Variants in KDM5B observed in about 807,000 individuals in gnomAD.
The protein encoded by KDM5B is lysine-specific demethylase 5B.
A neutral mutation model predicts 193.4 loss-of-function variants in KDM5B; 144 were observed. The ratio of observed to expected loss-of-function variants is 0.74; its 90% CI spans 0.65 to 0.86. The LOEUF (loss-of-function observed/expected upper bound fraction) is 0.86, where lower values mean the gene tolerates loss of function less well. Among genes scored for constraint, KDM5B ranks in the 40% least tolerant of loss-of-function variants. The pLI, the probability that KDM5B is intolerant of heterozygous loss-of-function variation, is 0.00. For missense variants in KDM5B, 1,833 were observed against 1,886.9 expected, an observed-to-expected ratio of 0.97 and a Z score of 0.53; for synonymous variants, 668 against 682.6, an observed-to-expected ratio of 0.98 and a Z score of 0.33.
chr1:202,780,681 T>G (rs749358621), intron 1 of KDM5B, among the ~76,000 whole-genome samples: 1 of 151,226 alleles, frequency 6.6e-6, no homozygotes, highest in Non-Finnish European at 1.5e-5. Flanking sequence ...ATAAAAAATA[T>G]CTAGATATTC....
At position 202,771,295 on chromosome 1, in the gene KDM5B, G is replaced by A. The variant is rs533452565; in HGVS notation, c.576+1823C>T. 3.1e-3 allele frequency among the ~76,000 whole-genome samples: 451 copies of A among 147,486 alleles called. 2 individuals are homozygous for A. Among genetic ancestry groups the A allele is most frequent in the African/African-American group, 0.011 (423 of 40,070 alleles). On this transcript the variant is annotated intron_variant, in intron 4 of 26. Transcript: ENST00000367265. ...CACCCAGGCTGGAGTGCAATGGCAC[G>A]ATCTCGGCTCATTGCAACCTCTGCC...
At chr1:202,748,678 G>C (rs1655663814) in intron 14 of KDM5B, among the ~76,000 whole-genome samples, 1 of 152,122 alleles carries the variant, frequency 6.6e-6, no homozygotes, top group African/African-American at 2.4e-5. Flanking sequence ...AGACCAGCCT[G>C]GGCAACATAG....
intron 1 of KDM5B, among the ~76,000 whole-genome samples, chr1:202,797,982 G>C (rs927776695): frequency 1.3e-5 from 2 of 152,204 alleles, no homozygotes; most frequent in African/African-American, 4.8e-5. Flanking sequence ...CTTGAGCTCA[G>C]GAGTTCAAGA....
In KDM5B at chr1:202,746,166, C is replaced by T. The variant is rs1572719523; in HGVS notation, c.2174G>A (p.Cys725Tyr). Residue 725 changes from cysteine (C) to tyrosine (Y), a missense_variant, in exon 15 of 27, where the codon TGT becomes TAT. Physicochemically the swap from Cys to Tyr is radical, Grantham distance 194 (BLOSUM62 -2). Transcript: ENST00000367265. ...CLHHVKELCSCPPYKYKLRYR... is the reference protein window; with the variant it reads ...CLHHVKELCSYPPYKYKLRYR... ...CCGCAATTTATATTTGTAAGGAGGA[C>T]AGGAACACAATTCTTTTACATGATG... 6.2e-7 allele frequency: 1 copy of T among 1,612,312 alleles called. No homozygotes were observed. Among genetic ancestry groups the T allele is most frequent in the Non-Finnish European group, 8.5e-7 (1 of 1,179,338 alleles).
At chr1:202,742,600 G>A (rs1655389011) in intron 17 of KDM5B, 55 bp downstream of exon 17, 2 of 1,609,036 alleles carry the variant, frequency 1.2e-6, no homozygotes, top group African/African-American at 2.7e-5. Context: ...AGTCACAACA[G>A]GTTTCCAAAC....
Position 202,736,185 on chromosome 1 carries a change from C to G in KDM5B, c.3264+28G>C, listed in dbSNP as rs757693177. ...TTTACCAAACTAGGAGATCTAAGGT[C>G]TTGCAGATGAGCTGGTTGTAAACTT... On this transcript the variant is annotated intron_variant, in intron 21 of 26. Coordinates refer to ENST00000367265, the MANE Select transcript of KDM5B (RefSeq NM_006618.5). The G allele has an allele frequency of 4.0e-6, 6 of 1,487,298 alleles. No homozygotes were observed. The Admixed American group carries it at 1.3e-4, about 33-fold the overall frequency. The allele number at this position is 1,487,298 out of a possible 1,614,324, so 92.1% of individuals were successfully genotyped here.
rs973617736 is a variant in KDM5B, at chr1:202,727,577, A to G, written c.*1459T>C. The G allele has an allele frequency of 6.5e-6, 1 of 152,674 alleles. No homozygotes were observed. Among genetic ancestry groups the G allele is most frequent in the Non-Finnish European group, 1.5e-5 (1 of 68,052 alleles). 9.5% of individuals were successfully genotyped at this position (152,674 alleles called of 1,614,324 possible). Reference sequence around the variant, plus strand: ...GGGGAAAACAAAAATTGGCAACAGAATAGGAAAAGGTAAGCAAAAGTCTGG... The same window carrying G: ...GGGGAAAACAAAAATTGGCAACAGAGTAGGAAAAGGTAAGCAAAAGTCTGG... On this transcript the variant is annotated 3_prime_UTR_variant, in exon 27 of 27. Transcript: ENST00000367265.
intron 1 of KDM5B, among the ~76,000 whole-genome samples, chr1:202,805,377 GTACTC>G (rs1658249882): frequency 6.6e-6 from 1 of 152,142 alleles, no homozygotes; most frequent in African/African-American, 2.4e-5. Flanking sequence ...AATAATGTAA[GTACTC>G]TAAGTTTTCA....
intron 4 of KDM5B, among the ~76,000 whole-genome samples, chr1:202,770,948 C>T (rs1242204125): frequency 6.6e-6 from 1 of 152,124 alleles, no homozygotes; most frequent in Non-Finnish European, 1.5e-5. Context: ...ATGCTTATTC[C>T]TTTCAGACTC....
chr1:202,729,292 G>A, intron 26 of KDM5B, 119 bp from the exon 27 acceptor site: 1 of 1,084,288 alleles, frequency 9.2e-7, no homozygotes, highest in Non-Finnish European at 1.3e-6. Context: ...CCACCACTGG[G>A]ACCTCTGGCA....
chr1:202,805,997 G>A (rs542169716), intron 1 of KDM5B, among the ~76,000 whole-genome samples: 7 of 152,298 alleles, frequency 4.6e-5, no homozygotes, highest in Admixed American at 3.9e-4. Flanking sequence ...GCTGTACTAT[G>A]TAGCACTCTC....
In KDM5B at chr1:202,762,759, A is replaced by C. The variant is rs763369591; in HGVS notation, c.858T>G (p.Asp286Glu). The C allele has an allele frequency of 6.2e-7, 1 of 1,612,386 alleles. No individual in the cohort carries two copies. The highest frequency in any genetic ancestry group is 2.2e-5 in the East Asian group (1 of 44,838). ...TTTCCTTCTCATTTTCTACAATATA[A>C]TCTTTCCTCTCAATAGGTTCTTGCT... is the stretch of plus-strand genomic sequence containing the variant. Reference protein sequence around the residue: ...SIKQEPIERKDYIVENEKEKP... With the variant: ...SIKQEPIERKEYIVENEKEKP... The change falls in exon 7 of 27, where the codon GAT becomes GAG. Residue 286 changes from aspartate to glutamate, a missense_variant. Transcript: ENST00000367265.
chr1:202,753,306 G>T (rs934073317), intron 11 of KDM5B, among the ~76,000 whole-genome samples: 1 of 152,024 alleles, frequency 6.6e-6, no homozygotes, highest in African/African-American at 2.4e-5. Flanking sequence ...GACCAGCCTG[G>T]CCAACATGGT....
At chr1:202,746,376 G>T in intron 14 of KDM5B, 53 bp from the exon 15 acceptor site, 1 of 1,165,250 alleles carries the variant, frequency 8.6e-7, no homozygotes, top group Non-Finnish European at 1.2e-6. Flanking sequence ...TAATCCACCA[G>T]CCCAAGACAA....
rs539132737 is a variant in KDM5B, at chr1:202,768,252, T to C, written c.577-1192A>G. Among the ~76,000 whole-genome samples the C allele has an allele frequency of 3.9e-5, 6 of 152,322 alleles. No homozygotes were observed. In the South Asian group the frequency reaches 1.2e-3, roughly 32 times the overall value. ...AATATAACATTAACACGACAAAATA[T>C]TGCCACCGAAGCTAATATGAATTTC... On this transcript the variant is annotated intron_variant, in intron 4 of 26. Coordinates refer to ENST00000367265, the MANE Select transcript of KDM5B (RefSeq NM_006618.5).
rs934548564 is a variant in KDM5B at position 202,792,445 on chromosome 1, T to G, written c.205-15351A>C. ...TTAATGGGAGGCAGTGGTACATTTA[T>G]ATAGGGAGCCCCGAGTCCTAAATAC... On this transcript the variant is annotated intron_variant, in intron 1 of 26. Transcript: ENST00000367265. Among the ~76,000 whole-genome samples the G allele has an allele frequency of 6.6e-4, 100 of 152,160 alleles. 6 individuals are homozygous for G. Among genetic ancestry groups the G allele is most frequent in the Non-Finnish European group, 1.0e-4 (7 of 68,024 alleles).
Position 202,745,856 on chromosome 1 carries a change from A to G in KDM5B, c.2323+2T>C, listed in dbSNP as rs1480368725. 1.2e-6 allele frequency: 2 copies of G among 1,613,812 alleles called. No individual in the cohort carries two copies. Among genetic ancestry groups the G allele is most frequent in the East Asian group, 2.2e-5 (1 of 44,876 alleles). On this transcript the variant is annotated splice_donor_variant, in intron 16 of 26. Coordinates refer to ENST00000367265, the MANE Select transcript of KDM5B (RefSeq NM_006618.5). LOFTEE classifies it high-confidence loss of function. Reference sequence around the variant, plus strand: ...CACCAAGTCACTTTCTGTATCACATACTTTTCTTCTTGTTGATCTTTGCCT... The same window carrying G: ...CACCAAGTCACTTTCTGTATCACATGCTTTTCTTCTTGTTGATCTTTGCCT...
At chr1:202,737,345 T>C (rs1211231306) in intron 20 of KDM5B, among the ~76,000 whole-genome samples, 1 of 152,220 alleles carries the variant, frequency 6.6e-6, no homozygotes, top group Non-Finnish European at 1.5e-5. Context: ...GGAAGGTCCA[T>C]AAATTTGCAC....
chr1:202,755,406 T>C lies in KDM5B; in HGVS notation c.1403A>G (p.Glu468Gly). The change falls in exon 11 of 27, where the codon GAG (glutamate) becomes GGG (glycine). Residue 468 changes from glutamate to glycine, a missense_variant. Physicochemically the swap from Glu to Gly is moderately conservative, Grantham distance 98. Coordinates refer to ENST00000367265, the MANE Select transcript of KDM5B (RefSeq NM_006618.5). ...GWNLNNMPVM[E>G]QSVLAHITAD... is the part of the protein sequence containing the mutation. ...AGTAATATGTGCAAGGACAGACTGC[T>C]CCATCACTGGCATGTTGTTCAAATT... 1.2e-6 allele frequency: 2 copies of C among 1,613,938 alleles called. No homozygotes were observed. The highest frequency in any genetic ancestry group is 1.7e-6 in the Non-Finnish European group (2 of 1,179,860).
Sources: allele counts gnomAD v4.1 joint callset (sites outside exome capture counted in the v4.1 genomes callset), GRCh38; gene constraint gnomAD v4.1.1; transcripts MANE v1.5; gene names NCBI Gene and HGNC (gene_info 2026-07-23, HGNC 2026-07-21).